Variants in NEB observed in about 807,000 individuals in gnomAD.
NEB encodes the protein nemaline myopathy type 2.
Under a neutral mutation model 952.2 loss-of-function variants are expected in NEB, and 512 were observed. The ratio of observed to expected loss-of-function variants is 0.54; its 90% CI spans 0.50 to 0.58. The LOEUF (loss-of-function observed/expected upper bound fraction) is 0.58. Ranked by LOEUF, NEB falls within the 20% of genes least tolerant of loss-of-function variation. NEB has a pLI of 0.00. For missense variants in NEB, 8,428 were observed against 9,231.1 expected (o/e 0.91, Z 3.56); for synonymous variants, 2,900 against 3,149.8 (o/e 0.92, Z 2.66).
intron 71 of NEB, among the ~76,000 whole-genome samples, chr2:151,621,811 TTAAG>T (rs1267755468): frequency 6.6e-6 from 1 of 152,180 alleles, no homozygotes; most frequent in Non-Finnish European, 1.5e-5. Flanking sequence ...ACGAAAAATT[TTAAG>T]TAATTGCCAA....
intron 131 of NEB, 66 bp from the exon 132 acceptor site, chr2:151,547,804 C>A: frequency 1.9e-6 from 2 of 1,052,048 alleles, no homozygotes; most frequent in African/African-American, 1.6e-5. Flanking sequence ...ACTGACTAAT[C>A]AAGAATAAAA....
intron 92 of NEB, among the ~76,000 whole-genome samples, chr2:151,595,388 A>C (rs1214376021): frequency 1.3e-5 from 2 of 152,260 alleles, no homozygotes; most frequent in Non-Finnish European, 1.5e-5. Context: ...AGTAGCTGGG[A>C]TTACAGGCTC....
rs778001911 is a variant in NEB at position 151,656,356 on chromosome 2, A to G, written c.6292T>C (p.Ser2098Pro). ...TAGTTTTTCTTGTACTCCCGATCAGATTGCATCTTAGCCACTTGCATGGAA... is the reference window on the plus strand; with the variant it reads ...TAGTTTTTCTTGTACTCCCGATCAGGTTGCATCTTAGCCACTTGCATGGAA... The part of the protein sequence containing the change: ...VHSMQVAKMQ[S>P]DREYKKNYEN... Residue 2098 changes from serine to proline, a missense_variant, in exon 49 of 182, where the codon TCT (serine) becomes CCT (proline). By Grantham distance (74) the Ser-to-Pro change is moderately conservative. This residue lies in a region of NEB where 2,851 missense variants were observed against 2,791.5 expected (regional missense o/e 1.02). Coordinates refer to ENST00000397345, the MANE Select transcript of NEB (RefSeq NM_001164508.2). 6.2e-7 allele frequency: 1 copy of G among 1,613,608 alleles called. No homozygotes were observed. The highest frequency in any genetic ancestry group is 1.1e-5 in the South Asian group (1 of 91,056).
In NEB at chr2:151,563,875, T is replaced by G; in HGVS notation, c.18527A>C (p.Glu6176Ala). The G allele has an allele frequency of 1.9e-6, 3 of 1,612,900 alleles. No homozygotes were observed. Among genetic ancestry groups the G allele is most frequent in the Non-Finnish European group, 1.7e-6 (2 of 1,179,434 alleles). The change falls in exon 118 of 182, where the codon GAG (glutamate) becomes GCG (alanine). Residue 6176 changes from glutamate to alanine, a missense_variant. Glu to Ala is a moderately radical substitution (Grantham distance 107). Coordinates refer to ENST00000397345, the MANE Select transcript of NEB (RefSeq NM_001164508.2). ...GGCTCCAACAATGGGAATGTAGCGC[T>G]CATCCAGGGTGTAGCCATAGGCCTT... ...GTKAYGYTLDERYIPIVGAKH... is the reference protein window; with the variant it reads ...GTKAYGYTLDARYIPIVGAKH...
chr2:151,636,942 A>C (rs1270337394), intron 63 of NEB, among the ~76,000 whole-genome samples: 3 of 152,224 alleles, frequency 2.0e-5, no homozygotes, highest in Non-Finnish European at 4.4e-5. Flanking sequence ...TTACAGGAAA[A>C]ATTAAGCTGA....
At chr2:151,618,949 T>C (rs1286844640) in intron 73 of NEB, among the ~76,000 whole-genome samples, 1 of 152,236 alleles carries the variant, frequency 6.6e-6, no homozygotes, top group Non-Finnish European at 1.5e-5. Flanking sequence ...TAATTATTCA[T>C]TTTATTTTAC....
intron 142 of NEB, among the ~76,000 whole-genome samples, chr2:151,533,875 T>C (rs1266960166): frequency 2.0e-5 from 3 of 152,226 alleles, no homozygotes; most frequent in Admixed American, 6.5e-5. Flanking sequence ...TTCCATTAAT[T>C]TTTGTTTGTT....
intron 4 of NEB, among the ~76,000 whole-genome samples, chr2:151,729,319 T>C (rs1578094687): frequency 6.6e-6 from 1 of 152,138 alleles, no homozygotes; most frequent in Non-Finnish European, 1.5e-5. Context: ...TGGAGAATGG[T>C]GATAGCCACT....
intron 29 of NEB, 44 bp downstream of exon 29, chr2:151,682,618 C>G: frequency 6.8e-7 from 1 of 1,478,702 alleles, no homozygotes; most frequent in Non-Finnish European, 9.4e-7. Context: ...AGCTTTAACA[C>G]AACACAGTCA....
At chr2:151,614,972 A>G (rs566289994) in intron 76 of NEB, among the ~76,000 whole-genome samples, 2 of 152,288 alleles carry the variant, frequency 1.3e-5, no homozygotes, top group Admixed American at 1.3e-4. Flanking sequence ...TGACATTAAG[A>G]ATATTTTAGA....
Position 151,663,730 on chromosome 2 carries a change from C to T in NEB, c.5581G>A (p.Gly1861Arg), listed in dbSNP as rs1413371715. 16 of 1,613,618 alleles carry T rather than the reference C, an allele frequency of 9.9e-6. No homozygotes were observed. Among genetic ancestry groups the T allele is most frequent in the African/African-American group, 5.3e-5 (4 of 74,884 alleles). Residue 1861 changes from glycine to arginine, a missense_variant, in exon 45 of 182, where the codon GGA becomes AGA. Physicochemically the swap from Gly to Arg is moderately radical, Grantham distance 125. Transcript: ENST00000397345. Reference sequence around the variant, plus strand: ...AAGGAGGTCTTGGATTTCTCATATCCCTTCTTGTATTCCCGGTCTGACTGC... The same window carrying T: ...AAGGAGGTCTTGGATTTCTCATATCTCTTCTTGTATTCCCGGTCTGACTGC... ...KMQSDREYKK[G>R]YEKSKTSFHT...
chr2:151,514,687 C>G (rs2076647381), intron 158 of NEB, 131 bp downstream of exon 158: 1 of 685,622 alleles, frequency 1.5e-6, no homozygotes, highest in African/African-American at 1.8e-5. Flanking sequence ...GTGGTAGTAC[C>G]AAGCACATGA....
chr2:151,497,774 G>GGAC, intron 170 of NEB, 56 bp from the exon 171 acceptor site: 1 of 1,547,184 alleles, frequency 6.5e-7, no homozygotes, highest in Non-Finnish European at 8.7e-7. Context: ...TCATTTCTTG[G>GGAC]GACTTTTTAA....
chr2:151,682,851 T>A (rs1009027918), intron 28 of NEB, 82 bp from the exon 29 acceptor site: 2 of 1,241,424 alleles, frequency 1.6e-6, no homozygotes, highest in African/African-American at 3.0e-5. Context: ...CCCAAAACAA[T>A]GTTTTTGAGA....
Position 151,529,306 on chromosome 2 carries a change from G to A in NEB, c.21639C>T (p.Tyr7213=). 6.2e-7 allele frequency: 1 copy of A among 1,605,680 alleles called. No homozygotes were observed. Among genetic ancestry groups the A allele is most frequent in the African/African-American group, 1.3e-5 (1 of 74,822 alleles). ...ATTTATTTCTTTGGTATACTTCTTT[G>A]TATTTCAGCTGTGGGAGGAAACACA... ...KVKDEVSDLK[Y]KEVYQRNKSN... is the part of the protein sequence containing the mutation. The change falls in exon 146 of 182, where the codon TAC becomes TAT. Residue 7213 remains tyrosine (Y), a synonymous_variant. Coordinates refer to ENST00000397345, the MANE Select transcript of NEB (RefSeq NM_001164508.2).
chr2:151,619,400 C>G (rs1266682884), intron 73 of NEB, 51 bp downstream of exon 73: 20 of 1,513,342 alleles, frequency 1.3e-5, no homozygotes, highest in Non-Finnish European at 1.8e-5. Flanking sequence ...AACTCACAGA[C>G]ACGTTTCAGA....
At chr2:151,649,404 A>G (rs554950818) in intron 54 of NEB, among the ~76,000 whole-genome samples, 19 of 152,280 alleles carry the variant, frequency 1.2e-4, no homozygotes, top group South Asian at 1.0e-3. Context: ...CATATTACAT[A>G]TAGTATATAT....
At chr2:151,673,933 C>T (rs1488575245) in intron 36 of NEB, among the ~76,000 whole-genome samples, 11 of 151,772 alleles carry the variant, frequency 7.2e-5, no homozygotes, top group Non-Finnish European at 1.3e-4. Context: ...AAATTTTGGC[C>T]AGGCGTGAGC....
intron 36 of NEB, among the ~76,000 whole-genome samples, chr2:151,673,151 G>A (rs2099320708): frequency 1.3e-5 from 2 of 152,142 alleles, no homozygotes; most frequent in South Asian, 2.1e-4. Context: ...ATAAATTAAG[G>A]AGCCACAGTA....
Sources: gnomAD v4.1 joint callset for allele counts (sites outside exome capture counted in the v4.1 genomes callset) on GRCh38, gnomAD v4.1.1 for gene constraint, gnomAD v4.1.1 regional missense constraint, MANE v1.5 for transcripts, NCBI Gene and HGNC (gene_info 2026-07-23, HGNC 2026-07-21) for gene names.